The following KIAA1958 variants were observed in gnomAD, a reference collection of about 807,000 sequenced individuals.
The protein encoded by KIAA1958 is KIAA1958, also known as uncharacterized protein KIAA1958.
A neutral mutation model predicts 47.2 loss-of-function variants in KIAA1958; 14 were observed. That is an observed-to-expected ratio of 0.30 (90% CI 0.20 to 0.46). The LOEUF is 0.46. Among genes scored for constraint, KIAA1958 ranks in the 20% least tolerant of loss-of-function variants. The pLI, the probability that KIAA1958 is intolerant of heterozygous loss-of-function variation, is 1.00. For missense variants in KIAA1958, 803 were observed against 909.2 expected (o/e 0.88, Z 1.50); for synonymous variants, 354 against 353.3 (o/e 1.00, Z -0.02).
chr9:112,557,830 AAGAC>A (rs1835268297), intron 1 of KIAA1958, among the ~76,000 whole-genome samples: 1 of 152,234 alleles, frequency 6.6e-6, no homozygotes. Flanking sequence ...CCAACTAAGA[AAGAC>A]AGAAAACATT....
intron 3 of KIAA1958, among the ~76,000 whole-genome samples, chr9:112,654,050 G>T (rs1023911296): frequency 9.2e-5 from 14 of 152,186 alleles, no homozygotes; most frequent in African/African-American, 3.4e-4. Flanking sequence ...GATTCTACTT[G>T]ATCGGAGAAG....
At chr9:112,520,534 G>C (rs1490301780) in intron 1 of KIAA1958, among the ~76,000 whole-genome samples, 3 of 152,146 alleles carry the variant, frequency 2.0e-5, no homozygotes, top group African/African-American at 7.2e-5. Context: ...CTATAGATAG[G>C]AGAGTGGCAG....
intron 2 of KIAA1958, among the ~76,000 whole-genome samples, chr9:112,637,472 G>T (rs1010578232): frequency 6.6e-6 from 1 of 151,930 alleles, no homozygotes; most frequent in African/African-American, 2.4e-5. Context: ...ACCTCCTCCA[G>T]TTTCAAGCGA....
intron 1 of KIAA1958, among the ~76,000 whole-genome samples, chr9:112,530,055 G>A (rs1355886877): frequency 6.6e-6 from 1 of 152,110 alleles, no homozygotes; most frequent in African/African-American, 2.4e-5. Context: ...GTGTTAGCCA[G>A]GATGGTCTCG....
intron 1 of KIAA1958, among the ~76,000 whole-genome samples, chr9:112,560,500 G>T (rs903232910): frequency 2.0e-5 from 3 of 151,878 alleles, no homozygotes; most frequent in African/African-American, 7.3e-5. Context: ...TTGCATTTTT[G>T]ATATAGTATC....
chr9:112,513,050 G>T (rs1437846003), intron 1 of KIAA1958, among the ~76,000 whole-genome samples: 1 of 139,402 alleles, frequency 7.2e-6, no homozygotes, highest in Non-Finnish European at 1.5e-5. Context: ...TGTCACCCAG[G>T]CTGGAGTGCA....
intron 1 of KIAA1958, among the ~76,000 whole-genome samples, chr9:112,499,025 A>G: frequency 6.6e-6 from 1 of 152,226 alleles, no homozygotes; most frequent in East Asian, 1.9e-4. Flanking sequence ...TATTTTGCTT[A>G]GCATGATGTC....
At chr9:112,492,903 A>G (rs1173998987) in intron 1 of KIAA1958, among the ~76,000 whole-genome samples, 1 of 146,782 alleles carries the variant, frequency 6.8e-6, no homozygotes, top group Non-Finnish European at 1.5e-5. Flanking sequence ...GTGCACACCC[A>G]GAGCCCAGCT....
At chr9:112,609,339 A>G (rs1200935740) in intron 2 of KIAA1958, among the ~76,000 whole-genome samples, 1 of 152,222 alleles carries the variant, frequency 6.6e-6, no homozygotes, top group Non-Finnish European at 1.5e-5. Context: ...TTATAATCAG[A>G]TAACTAACAA....
chr9:112,528,692 G>A (rs1313697380), intron 1 of KIAA1958, among the ~76,000 whole-genome samples: 2 of 151,950 alleles, frequency 1.3e-5, no homozygotes, highest in Admixed American at 6.6e-5. Flanking sequence ...GCTAATTTTT[G>A]TATTTTTCGT....
At chr9:112,515,894 TAA>T (rs58492221) in intron 1 of KIAA1958, among the ~76,000 whole-genome samples, 1,106 of 97,112 alleles carry the variant, frequency 0.011, 27 homozygotes, top group African/African-American at 0.042. Context: ...AAAAATAAAT[TAA>T]AAAAAAAAAA....
intron 2 of KIAA1958, among the ~76,000 whole-genome samples, chr9:112,625,028 C>G (rs918613371): frequency 1.7e-4 from 2 of 12,024 alleles, no homozygotes; most frequent in African/African-American, 2.0e-3. Context: ...TTTCCTACCC[C>G]CTCCCCTCCT....
At chr9:112,568,561 G>T (rs1396213485) in intron 1 of KIAA1958, among the ~76,000 whole-genome samples, 1 of 151,980 alleles carries the variant, frequency 6.6e-6, no homozygotes, top group Admixed American at 6.6e-5. Flanking sequence ...ATGATAAGAT[G>T]AAATACATAG....
chr9:112,518,359 A>C (rs561326488), intron 1 of KIAA1958, among the ~76,000 whole-genome samples: 2 of 152,370 alleles, frequency 1.3e-5, no homozygotes, highest in Non-Finnish European at 2.9e-5. Flanking sequence ...TGGCATATAC[A>C]TACAAGGGCA....
At chr9:112,531,174 A>T (rs1438240803) in intron 1 of KIAA1958, among the ~76,000 whole-genome samples, 1 of 152,182 alleles carries the variant, frequency 6.6e-6, no homozygotes, top group East Asian at 1.9e-4. Flanking sequence ...GTATCACCTG[A>T]GGTTGGGAGT....
At position 112,662,377 on chromosome 9, in the gene KIAA1958, G is replaced by T. The variant is rs1837290639; in HGVS notation, c.*2308G>T. On this transcript the variant is annotated 3_prime_UTR_variant, in exon 4 of 4. Coordinates refer to ENST00000337530, the MANE Select transcript of KIAA1958 (RefSeq NM_133465.4). ...CAAGTGCCAGCGTGTGCCACCCATT[G>T]TACTAGGTACTTTATTATGCATTTA... 1 of 152,186 alleles carries T rather than the reference G, an allele frequency of 6.6e-6. No homozygotes were observed. The highest frequency in any genetic ancestry group is 2.1e-4 in the South Asian group (1 of 4,830). The allele number at this position is 152,186 out of a possible 1,614,324, so 9.4% of individuals were successfully genotyped here. A position where few individuals can be genotyped will look rare whatever the true frequency, so the allele number is the denominator to read the frequency against.
intron 1 of KIAA1958, among the ~76,000 whole-genome samples, chr9:112,502,131 G>A (rs1834152730): frequency 6.6e-6 from 1 of 152,174 alleles, no homozygotes; most frequent in African/African-American, 2.4e-5. Context: ...ATTCTCATAT[G>A]TATTGCTGAT....
rs77494395 is a variant in KIAA1958 at position 112,511,850 on chromosome 9, G to A, written c.-25+24732G>A. Among the ~76,000 whole-genome samples the A allele has an allele frequency of 5.1e-3, 780 of 152,310 alleles. 3 individuals are homozygous for A. The highest frequency in any genetic ancestry group is 9.5e-3 in the South Asian group (46 of 4,830). ...TAGGACTGAGAGAGGTAATATCAAT[G>A]TGAATTCTACAGATATTAAAAGGAT... On this transcript the variant is annotated intron_variant, in intron 1 of 3. Coordinates refer to ENST00000337530, the MANE Select transcript of KIAA1958 (RefSeq NM_133465.4).
intron 1 of KIAA1958, among the ~76,000 whole-genome samples, chr9:112,542,018 C>T (rs559028957): frequency 4.3e-4 from 66 of 152,162 alleles, no homozygotes; most frequent in Non-Finnish European, 8.2e-4. Flanking sequence ...AAGGAACGTT[C>T]GTTTTGTTAA....
Sources: gnomAD v4.1 joint callset for allele counts (sites outside exome capture counted in the v4.1 genomes callset) on GRCh38, gnomAD v4.1.1 for gene constraint, MANE v1.5 for transcripts, NCBI Gene and HGNC (gene_info 2026-07-23, HGNC 2026-07-21) for gene names.